Variants in OTUD7A observed in about 807,000 individuals in gnomAD.
OTUD7A encodes the protein OTU domain-containing protein 7A.
Under a neutral mutation model 65.7 loss-of-function variants are expected in OTUD7A, and 12 were observed. That is an observed-to-expected ratio of 0.18 (90% CI 0.12 to 0.30). OTUD7A has a LOEUF of 0.30. Ranked by LOEUF, OTUD7A falls within the 10% of genes least tolerant of loss-of-function variation. The pLI, the probability that OTUD7A is intolerant of heterozygous loss-of-function variation, is 1.00. For missense variants in OTUD7A, 1,148 were observed against 1,304.8 expected (o/e 0.88, Z 1.85); for synonymous variants, 641 against 586.3 (o/e 1.09, Z -1.35).
intron 5 of OTUD7A, among the ~76,000 whole-genome samples, chr15:31,554,445 G>C (rs1888426132): frequency 6.6e-6 from 1 of 152,178 alleles, no homozygotes; most frequent in African/African-American, 2.4e-5. Flanking sequence ...CAAGTGACGT[G>C]GCCAAGCTCC....
chr15:31,540,321 T>C (rs536395513), intron 5 of OTUD7A, among the ~76,000 whole-genome samples: 1 of 152,346 alleles, frequency 6.6e-6, no homozygotes, highest in East Asian at 1.9e-4. Flanking sequence ...TTCAGAGGTC[T>C]GTGCAATAAA....
chr15:31,734,885 A>C (rs1894143827), intron 1 of OTUD7A, among the ~76,000 whole-genome samples: 1 of 152,106 alleles, frequency 6.6e-6, no homozygotes, highest in Admixed American at 6.5e-5. Flanking sequence ...CAATTGCAAC[A>C]AAAGCAAAAA....
chr15:31,836,104 C>T (rs558604412), intron 1 of OTUD7A, among the ~76,000 whole-genome samples: 1 of 149,488 alleles, frequency 6.7e-6, no homozygotes, highest in African/African-American at 2.5e-5. Context: ...ATATTTAAAG[C>T]ATATCCCCTG....
intron 3 of OTUD7A, among the ~76,000 whole-genome samples, chr15:31,640,662 A>G (rs4779908): frequency 0.6 from 91,140 of 152,036 alleles, 29,284 homozygotes; most frequent in East Asian, 0.92. Flanking sequence ...TATGTGAACT[A>G]TTTCTTAACT....
chr15:31,539,336 C>A (rs1042211180), intron 5 of OTUD7A, among the ~76,000 whole-genome samples: 2 of 151,980 alleles, frequency 1.3e-5, no homozygotes, highest in Admixed American at 1.3e-4. Flanking sequence ...TTGTTCCAGC[C>A]TTTATTACAG....
chr15:31,862,897 T>G (rs1336949337), intron 1 of OTUD7A, among the ~76,000 whole-genome samples: 1 of 152,238 alleles, frequency 6.6e-6, no homozygotes, highest in Admixed American at 6.5e-5. Context: ...GGCAATTCCC[T>G]TCTGCCTATG....
At chr15:31,663,217 A>G (rs966462200) in intron 1 of OTUD7A, among the ~76,000 whole-genome samples, 14 of 150,484 alleles carry the variant, frequency 9.3e-5, no homozygotes, top group African/African-American at 3.5e-4. Context: ...CCACACTGAA[A>G]AAGATGCTGG....
At chr15:31,621,307 A>ATTCCTGGATATCC (rs1890774284) in intron 3 of OTUD7A, among the ~76,000 whole-genome samples, 1 of 152,116 alleles carries the variant, frequency 6.6e-6, no homozygotes, top group Admixed American at 6.5e-5. Context: ...GCTGAGTTCA[A>ATTCCTGGATATCC]TTCCTGGATA....
chr15:31,729,652 C>T (rs1331152607), intron 1 of OTUD7A, among the ~76,000 whole-genome samples: 1 of 152,116 alleles, frequency 6.6e-6, no homozygotes, highest in Non-Finnish European at 1.5e-5. Flanking sequence ...TTAGATTTAA[C>T]CCTCTGCTTT....
chr15:31,746,105 C>T (rs530900224), intron 1 of OTUD7A, among the ~76,000 whole-genome samples: 10 of 152,160 alleles, frequency 6.6e-5, no homozygotes, highest in Non-Finnish European at 1.5e-4. Flanking sequence ...AATGATGCCA[C>T]TCATTTGGAA....
intron 1 of OTUD7A, among the ~76,000 whole-genome samples, chr15:31,677,689 C>A (rs1375487925): frequency 1.3e-5 from 2 of 152,230 alleles, no homozygotes; most frequent in East Asian, 3.8e-4. Flanking sequence ...CCTAAGGACT[C>A]CCCAACCATG....
intron 1 of OTUD7A, among the ~76,000 whole-genome samples, chr15:31,676,949 G>A (rs1892607581): frequency 6.6e-6 from 1 of 152,214 alleles, no homozygotes; most frequent in African/African-American, 2.4e-5. Context: ...ATGACCTTGC[G>A]GTAATAAAGT....
chr15:31,532,393 G>A (rs1465577145), intron 5 of OTUD7A, among the ~76,000 whole-genome samples: 2 of 152,112 alleles, frequency 1.3e-5, no homozygotes, highest in Non-Finnish European at 1.5e-5. Context: ...ATATAATAGG[G>A]ACTGAAAAAT....
At chr15:31,788,624 G>A (rs1195312858) in intron 1 of OTUD7A, among the ~76,000 whole-genome samples, 1 of 152,212 alleles carries the variant, frequency 6.6e-6, no homozygotes, top group Non-Finnish European at 1.5e-5. Flanking sequence ...TGCAGGTGGG[G>A]ATTGTGTTGG....
intron 3 of OTUD7A, among the ~76,000 whole-genome samples, chr15:31,601,122 T>C (rs1428570343): frequency 1.3e-5 from 2 of 152,094 alleles, no homozygotes; most frequent in Admixed American, 6.6e-5. Flanking sequence ...AATAGACACA[T>C]ACAGAACTCT....
chr15:31,518,247 G>A (rs2041888439), intron 8 of OTUD7A, among the ~76,000 whole-genome samples: 1 of 152,128 alleles, frequency 6.6e-6, no homozygotes, highest in Admixed American at 6.5e-5. Context: ...GCCGAGGCGG[G>A]TGGATCATGA....
intron 1 of OTUD7A, among the ~76,000 whole-genome samples, chr15:31,778,226 C>G (rs1031721443): frequency 2.6e-5 from 4 of 152,204 alleles, no homozygotes; most frequent in Non-Finnish European, 4.4e-5. Flanking sequence ...CAAGGCTGTT[C>G]TGCAGGAATT....
intron 1 of OTUD7A, among the ~76,000 whole-genome samples, chr15:31,788,619 G>A (rs1454365388): frequency 2.0e-5 from 3 of 152,216 alleles, no homozygotes; most frequent in African/African-American, 7.2e-5. Flanking sequence ...ATAGTTGCAG[G>A]TGGGGATTGT....
chr15:31,656,690 G>A lies in OTUD7A; in HGVS notation c.-5+293C>T, dbSNP rs923343670. 9.2e-5 allele frequency among the ~76,000 whole-genome samples: 14 copies of A among 152,172 alleles called. 2 individuals carry two copies. Among genetic ancestry groups the A allele is most frequent in the African/African-American group, 3.4e-4 (14 of 41,432 alleles). On this transcript the variant is annotated intron_variant, in intron 2 of 12. Coordinates refer to ENST00000307050, the MANE Select transcript of OTUD7A (RefSeq NM_001382637.1). ...ACTGGGATGGGTGCTGCTTGGTGGAGTAGGTCCTGTGTCAGTGGCCCATGC... is the reference window on the plus strand; with the variant it reads ...ACTGGGATGGGTGCTGCTTGGTGGAATAGGTCCTGTGTCAGTGGCCCATGC...
Sources: allele counts gnomAD v4.1 joint callset (sites outside exome capture counted in the v4.1 genomes callset), GRCh38; gene constraint gnomAD v4.1.1; transcripts MANE v1.5; gene names NCBI Gene and HGNC (gene_info 2026-07-23, HGNC 2026-07-21).